Variants in GRIA3 observed in about 807,000 individuals in gnomAD.
The protein encoded by GRIA3 is glutamate ionotropic receptor AMPA type subunit 3.
In GRIA3, 3 loss-of-function variants were observed where a neutral mutation model predicts 63.0. The ratio of observed to expected loss-of-function variants is 0.05; its 90% CI spans 0.02 to 0.12. The LOEUF (loss-of-function observed/expected upper bound fraction) is 0.12, where lower values mean the gene tolerates loss of function less well. Ranked by LOEUF, GRIA3 falls within the 10% of genes least tolerant of loss-of-function variation. GRIA3 has a pLI of 1.00. For missense variants in GRIA3, 347 were observed against 700.9 expected (o/e 0.50, Z 5.70); for synonymous variants, 274 against 257.9 (o/e 1.06, Z -0.60).
At chrX:123,329,957 A>G (rs2044929682) in intron 4 of GRIA3, among the ~76,000 whole-genome samples, 1 of 111,889 alleles carries the variant, frequency 8.9e-6, no homozygotes, top group African/African-American at 3.2e-5. Context: ...TTTAATGTCT[A>G]TTCAGAGACG....
chrX:123,420,114 A>G (rs1335559636), intron 11 of GRIA3, among the ~76,000 whole-genome samples: 1 of 111,985 alleles, frequency 8.9e-6, no homozygotes, highest in African/African-American at 3.2e-5. Flanking sequence ...AGGTTTTGGT[A>G]AACTTGAACA....
At chrX:123,235,873 C>A (rs1284938909) in intron 2 of GRIA3, among the ~76,000 whole-genome samples, 3 of 109,986 alleles carry the variant, frequency 2.7e-5, no homozygotes, top group African/African-American at 6.6e-5. Context: ...TCAAAAAATA[C>A]CTTCATTAAA....
At chrX:123,313,068 C>T (rs1221496580) in intron 3 of GRIA3, among the ~76,000 whole-genome samples, 1 of 83,756 alleles carries the variant, frequency 1.2e-5, no homozygotes, top group Non-Finnish European at 2.6e-5. Flanking sequence ...TTTCTGGAAC[C>T]CAAGGCCTTG....
At chrX:123,203,542 A>G (rs1280970995) in intron 2 of GRIA3, among the ~76,000 whole-genome samples, 2 of 111,483 alleles carry the variant, frequency 1.8e-5, no homozygotes, top group East Asian at 5.6e-4. Flanking sequence ...CTTGCTCAGG[A>G]GCTCAGAGTC....
chrX:123,328,026 G>C (rs745758854), intron 4 of GRIA3, among the ~76,000 whole-genome samples: 41 of 111,504 alleles, frequency 3.7e-4, no homozygotes, highest in Admixed American at 2.6e-3. Context: ...TTTTGTATTA[G>C]TGACTTTGGC....
intron 2 of GRIA3, among the ~76,000 whole-genome samples, chrX:123,252,434 C>T (rs754866908): frequency 5.3e-5 from 6 of 112,315 alleles, no homozygotes; most frequent in Admixed American, 2.8e-4. Flanking sequence ...TTTGTGAATG[C>T]TCCACAGTGT....
intron 3 of GRIA3, among the ~76,000 whole-genome samples, chrX:123,265,520 G>T (rs1191018533): frequency 8.9e-6 from 1 of 111,826 alleles, no homozygotes; most frequent in African/African-American, 3.2e-5. Context: ...CATCATAAAG[G>T]TCTTCATCCT....
chrX:123,241,532 C>G (rs1033715707), intron 2 of GRIA3, among the ~76,000 whole-genome samples: 22 of 110,254 alleles, frequency 2.0e-4, no homozygotes, highest in African/African-American at 7.3e-4. Flanking sequence ...GCAGCACTGA[C>G]AGATATGTGT....
chrX:123,283,851 G>A (rs1569413481), intron 3 of GRIA3, among the ~76,000 whole-genome samples: 1 of 112,760 alleles, frequency 8.9e-6, no homozygotes, highest in African/African-American at 3.2e-5. Flanking sequence ...CTGCCTGCTG[G>A]CTCTGAAGAG....
intron 2 of GRIA3, among the ~76,000 whole-genome samples, chrX:123,221,104 G>A (rs1457136056): frequency 8.9e-6 from 1 of 112,337 alleles, no homozygotes; most frequent in Non-Finnish European, 1.9e-5. Context: ...TAAATAACAA[G>A]CTTGCACACA....
intron 5 of GRIA3, among the ~76,000 whole-genome samples, chrX:123,365,261 TAAAA>T (rs2045202916): frequency 9.0e-6 from 1 of 110,919 alleles, no homozygotes; most frequent in Non-Finnish European, 1.9e-5. Context: ...TATTAATAAT[TAAAA>T]AAGAAAGAAA....
Position 123,343,593 on chromosome X carries a change from CAGAG to C in GRIA3, c.697-11295_697-11292del, listed in dbSNP as rs746329134. On this transcript the variant is annotated intron_variant, in intron 4 of 15. Coordinates refer to ENST00000620443, the MANE Select transcript of GRIA3 (RefSeq NM_007325.5). ...AAAGCAAGAGAGAGAGAGAGAAAGA[CAGAG>C]AGAGAGAGAGAGAGAGAGAGATTGA... is the stretch of plus-strand genomic sequence containing the variant. Among the ~76,000 whole-genome samples, 794 of 102,642 alleles carry C rather than the reference CAGAG, an allele frequency of 7.7e-3. 7 individuals are homozygous for C. The highest frequency in any genetic ancestry group is 0.013 in the Non-Finnish European group (629 of 49,943). 89.1% of individuals were successfully genotyped at this position (102,642 alleles called of 115,157 possible). A position where few individuals can be genotyped will look rare whatever the true frequency, so the allele number is the denominator to read the frequency against.
chrX:123,388,740 T>C lies in GRIA3; in HGVS notation c.751-6228T>C, dbSNP rs145685144. 4.8e-3 allele frequency among the ~76,000 whole-genome samples: 544 copies of C among 112,444 alleles called. 3 individuals are homozygous for C. The highest frequency in any genetic ancestry group is 0.017 in the African/African-American group (524 of 30,982). On this transcript the variant is annotated intron_variant, in intron 5 of 15. Coordinates refer to ENST00000620443, the MANE Select transcript of GRIA3 (RefSeq NM_007325.5). ...TTTAGTTCTGCTCTGATCTTCATTATTGCTTTCCTTCTACTAATTTGGGCT... is the reference window on the plus strand; with the variant it reads ...TTTAGTTCTGCTCTGATCTTCATTACTGCTTTCCTTCTACTAATTTGGGCT...
chrX:123,205,336 G>C (rs755175362), intron 2 of GRIA3, among the ~76,000 whole-genome samples: 1 of 112,019 alleles, frequency 8.9e-6, no homozygotes, highest in Non-Finnish European at 1.9e-5. Context: ...AGCAGTGCAA[G>C]TGCTATTTTT....
chrX:123,381,019 TA>T (rs2045321356), intron 5 of GRIA3, among the ~76,000 whole-genome samples: 1 of 111,838 alleles, frequency 8.9e-6, no homozygotes, highest in South Asian at 3.7e-4. Flanking sequence ...TCCATGTTTT[TA>T]AAAAATGAAA....
intron 12 of GRIA3, among the ~76,000 whole-genome samples, chrX:123,444,500 G>A (rs1490475643): frequency 9.0e-6 from 1 of 111,210 alleles, no homozygotes; most frequent in African/African-American, 3.3e-5. Context: ...GGTAATCAAT[G>A]CAGTTGCATT....
In GRIA3 at chrX:123,432,296, T is replaced by C. The variant is rs182692717; in HGVS notation, c.2076+4157T>C. Among the ~76,000 whole-genome samples, 294 of 112,098 alleles carry C rather than the reference T, an allele frequency of 2.6e-3. 1 individual carries two copies. The highest frequency in any genetic ancestry group is 9.2e-3 in the African/African-American group (284 of 30,905). Reference sequence around the variant, plus strand: ...AGTAGGCACTTTAACAGGAATCACATTTTTTCCCCTTTTTACATTAAATGT... The same window carrying C: ...AGTAGGCACTTTAACAGGAATCACACTTTTTCCCCTTTTTACATTAAATGT... On this transcript the variant is annotated intron_variant, in intron 12 of 15. Coordinates refer to ENST00000620443, the MANE Select transcript of GRIA3 (RefSeq NM_007325.5).
chrX:123,434,287 A>C (rs1260616652), intron 12 of GRIA3, among the ~76,000 whole-genome samples: 1 of 111,981 alleles, frequency 8.9e-6, no homozygotes, highest in Non-Finnish European at 1.9e-5. Context: ...TTTTGTTAAA[A>C]ATTTTTCTCA....
chrX:123,194,749 T>TA (rs1927529839), intron 2 of GRIA3, among the ~76,000 whole-genome samples: 1 of 112,474 alleles, frequency 8.9e-6, no homozygotes, highest in African/African-American at 3.2e-5. Flanking sequence ...ATCACAGGTT[T>TA]AAAAAGCCCC....
Sources: gnomAD v4.1 joint callset for allele counts (sites outside exome capture counted in the v4.1 genomes callset) on GRCh38, gnomAD v4.1.1 for gene constraint, MANE v1.5 for transcripts, NCBI Gene and HGNC (gene_info 2026-07-23, HGNC 2026-07-21) for gene names.